The following KCNN3 variants were observed in gnomAD, a reference collection of about 807,000 sequenced individuals.
KCNN3 encodes potassium calcium-activated channel subfamily N member 3.
KCNN3 carries 16 observed loss-of-function variants against 62.9 expected under a neutral mutation model. That is an observed-to-expected ratio of 0.25 (90% CI 0.17 to 0.39). The LOEUF (loss-of-function observed/expected upper bound fraction) is 0.39. KCNN3 is among the 10% of genes least tolerant of loss of function. The pLI is 1.00. For synonymous variants in KCNN3, 370 were observed against 389.2 expected, an observed-to-expected ratio of 0.95 and a Z score of 0.58; for missense variants, 599 against 949.4, an observed-to-expected ratio of 0.63 and a Z score of 4.85.
chr1:154,819,605 G>C (rs1178446649), intron 2 of KCNN3, among the ~76,000 whole-genome samples: 1 of 152,208 alleles, frequency 6.6e-6, no homozygotes, highest in Non-Finnish European at 1.5e-5. Flanking sequence ...GGCAAGAGAA[G>C]GTCTAGCTGG....
intron 2 of KCNN3, among the ~76,000 whole-genome samples, chr1:154,814,767 C>T (rs777789007): frequency 2.6e-5 from 4 of 152,208 alleles, no homozygotes; most frequent in African/African-American, 4.8e-5. Context: ...TCTGACTTCT[C>T]GGGCCCAGTT....
At chr1:154,750,210 T>C (rs963185872) in intron 3 of KCNN3, among the ~76,000 whole-genome samples, 4 of 152,230 alleles carry the variant, frequency 2.6e-5, no homozygotes, top group African/African-American at 7.2e-5. Flanking sequence ...CCTTTCTTGC[T>C]GGAGAAGCTT....
At chr1:154,788,335 A>C (rs1283015504) in intron 2 of KCNN3, among the ~76,000 whole-genome samples, 3 of 152,200 alleles carry the variant, frequency 2.0e-5, no homozygotes, top group African/African-American at 7.2e-5. Context: ...AAAGTGGTTG[A>C]GTGGCCAAAT....
intron 1 of KCNN3, among the ~76,000 whole-genome samples, chr1:154,835,267 G>A (rs905329779): frequency 6.6e-6 from 1 of 152,138 alleles, no homozygotes; most frequent in Non-Finnish European, 1.5e-5. Flanking sequence ...CCTGTTATCT[G>A]GCATAATTAT....
chr1:154,793,936 C>G (rs1190506215), intron 2 of KCNN3, among the ~76,000 whole-genome samples: 2 of 152,176 alleles, frequency 1.3e-5, no homozygotes, highest in South Asian at 2.1e-4. Flanking sequence ...CCCATGCATG[C>G]CTTTGTTCCT....
intron 3 of KCNN3, 195 bp downstream of exon 3, chr1:154,771,780 T>C (rs2101839031): frequency 1.5e-6 from 1 of 661,908 alleles, no homozygotes; most frequent in Non-Finnish European, 2.7e-6. Context: ...CCCACCTTAC[T>C]TTGGTTCCAA....
chr1:154,868,899 A>ACTCTCTCTCTCT (rs1653057574), intron 1 of KCNN3, 133 bp downstream of exon 1: 1 of 821,872 alleles, frequency 1.2e-6, no homozygotes, highest in African/African-American at 3.1e-5. Flanking sequence ...CCAATCTCTC[A>ACTCTCTCTCTCT]ATCTCTCTCT....
chr1:154,766,240 C>T (rs1448439789), intron 3 of KCNN3, among the ~76,000 whole-genome samples: 1 of 151,496 alleles, frequency 6.6e-6, no homozygotes. Flanking sequence ...GGCTACTTTC[C>T]TATCCTCTCT....
chr1:154,723,829 TGCAA>T lies in KCNN3; in HGVS notation c.1701+2083_1701+2086del, dbSNP rs767447527. Among the ~76,000 whole-genome samples the T allele has an allele frequency of 1.1e-4, 17 of 152,354 alleles. No individual in the cohort carries two copies. In the East Asian group the frequency reaches 2.5e-3, roughly 22 times the overall value. On this transcript the variant is annotated intron_variant, in intron 5 of 7. Coordinates refer to ENST00000271915, the MANE Select transcript of KCNN3 (RefSeq NM_002249.6). ...CAGTAAATTGCTTCAGGAAAATAGATGCAAGTGGATTTGCATTTAGGTGTTTCAA... is the reference window on the plus strand; with the variant it reads ...CAGTAAATTGCTTCAGGAAAATAGATGTGGATTTGCATTTAGGTGTTTCAA...
chr1:154,731,941 C>T (rs111650452), intron 4 of KCNN3, among the ~76,000 whole-genome samples: 21 of 152,294 alleles, frequency 1.4e-4, no homozygotes, highest in Admixed American at 6.5e-4. Context: ...GATTCCAGGA[C>T]GAAGGCCAAA....
chr1:154,843,678 G>T (rs573223613), intron 1 of KCNN3, among the ~76,000 whole-genome samples: 1 of 152,316 alleles, frequency 6.6e-6, no homozygotes, highest in Admixed American at 6.5e-5. Flanking sequence ...AGTGAGAAAC[G>T]CTGAGAGAGA....
rs146973599 is a variant in KCNN3, at chr1:154,800,799, C to T, written c.1029+21290G>A. ...GTACCTCACGCCTGTAATCCCAGCA[C>T]TTTGGGAGGCCAAGTCAGGCAGATG... On this transcript the variant is annotated intron_variant, in intron 2 of 7. Transcript: ENST00000271915. 2.1e-3 allele frequency among the ~76,000 whole-genome samples: 321 copies of T among 152,280 alleles called. 2 individuals carry two copies. The highest frequency in any genetic ancestry group is 7.3e-3 in the African/African-American group (304 of 41,550).
chr1:154,850,910 AG>A (rs1315622823), intron 1 of KCNN3, among the ~76,000 whole-genome samples: 3 of 152,206 alleles, frequency 2.0e-5, no homozygotes, highest in Non-Finnish European at 4.4e-5. Context: ...AGCAACTTCC[AG>A]TGACCTTCAG....
intron 1 of KCNN3, among the ~76,000 whole-genome samples, chr1:154,841,956 G>A (rs987635944): frequency 2.0e-5 from 3 of 152,226 alleles, no homozygotes; most frequent in Admixed American, 6.5e-5. Context: ...TGAAGGAAAC[G>A]CACGCGAGAG....
chr1:154,746,982 C>T (rs776134291), intron 3 of KCNN3, among the ~76,000 whole-genome samples: 1 of 152,262 alleles, frequency 6.6e-6, no homozygotes, highest in East Asian at 1.9e-4. Context: ...CAACCGATCC[C>T]CAACTCTGCT....
At position 154,826,506 on chromosome 1, in the gene KCNN3, A is replaced by G. The variant is rs1651137256; in HGVS notation, c.934-4322T>C. Reference sequence around the variant, plus strand: ...CACCATGGCAAAGCCAGGATTTGCAAAAGCCAGGTTTTACACCCAGATCTG... The same window carrying G: ...CACCATGGCAAAGCCAGGATTTGCAGAAGCCAGGTTTTACACCCAGATCTG... On this transcript the variant is annotated intron_variant, in intron 1 of 7. Transcript: ENST00000271915. Among the ~76,000 whole-genome samples, 4 of 152,242 alleles carry G rather than the reference A, an allele frequency of 2.6e-5. No homozygotes were observed. The South Asian group carries it at 8.3e-4, about 32-fold the overall frequency.
At position 154,714,205 on chromosome 1, in the gene KCNN3, G is replaced by A. The variant is rs546871072; in HGVS notation, c.1829+671C>T. 3.9e-3 allele frequency among the ~76,000 whole-genome samples: 515 copies of A among 133,050 alleles called. 6 individuals are homozygous for A. Among genetic ancestry groups the A allele is most frequent in the African/African-American group, 0.014 (479 of 34,504 alleles). The allele number at this position is 133,050 out of a possible 152,430, so 87.3% of individuals were successfully genotyped here. A position where few individuals can be genotyped will look rare whatever the true frequency, so the allele number is the denominator to read the frequency against. On this transcript the variant is annotated intron_variant, in intron 6 of 7. Coordinates refer to ENST00000271915, the MANE Select transcript of KCNN3 (RefSeq NM_002249.6). The stretch of plus-strand genomic sequence containing the variant: ...GTGGTGTGTGTGTGGTGTGTGTGTC[G>A]TATGTGGTGTGCATGGTGTGTGTGG...
In KCNN3 at chr1:154,706,911, C is replaced by T. The variant is rs114745473; in HGVS notation, c.*1065G>A. 6.6e-6 allele frequency: 1 copy of T among 152,362 alleles called. No homozygotes were observed. Among genetic ancestry groups the T allele is most frequent in the African/African-American group, 2.4e-5 (1 of 41,584 alleles). The allele number at this position is 152,362 out of a possible 1,614,324, so 9.4% of individuals were successfully genotyped here. A position where few individuals can be genotyped will look rare whatever the true frequency, so the allele number is the denominator to read the frequency against. On this transcript the variant is annotated 3_prime_UTR_variant, in exon 8 of 8. Transcript: ENST00000271915. ...TTGCTCCTGTTTGTGCATGTCTGCA[C>T]ACACATGCACAATTTCTTGTCCTCT...
At chr1:154,861,981 C>A (rs912290025) in intron 1 of KCNN3, among the ~76,000 whole-genome samples, 1 of 152,210 alleles carries the variant, frequency 6.6e-6, no homozygotes, top group Non-Finnish European at 1.5e-5. Context: ...TCTCGGCACT[C>A]ACTGCCCATG....
Sources: gnomAD v4.1 joint callset for allele counts (sites outside exome capture counted in the v4.1 genomes callset) on GRCh38, gnomAD v4.1.1 for gene constraint, MANE v1.5 for transcripts, NCBI Gene and HGNC (gene_info 2026-07-23, HGNC 2026-07-21) for gene names.